ZNF480: variants seen among roughly 807,000 people sequenced by gnomAD.
ZNF480 encodes zinc finger protein 480.
In ZNF480, 15 loss-of-function variants were observed where a neutral mutation model predicts 14.4. That is an observed-to-expected ratio of 1.04 (90% confidence interval 0.70 to 1.60). The LOEUF (loss-of-function observed/expected upper bound fraction) is 1.60. Ranked by LOEUF, ZNF480 falls within the 40% of genes most tolerant of loss-of-function variation. ZNF480 has a pLI of 0.00. For synonymous variants in ZNF480, 218 were observed against 215.5 expected (o/e 1.01, Z -0.10); for missense variants, 593 against 629.7 (o/e 0.94, Z 0.62).
Position 52,314,158 on chromosome 19 carries a change from C to T in ZNF480, c.78C>T (p.His26=). The T allele has an allele frequency of 6.4e-7, 1 of 1,566,568 alleles. No individual in the cohort carries two copies. The highest frequency in any genetic ancestry group is 1.1e-5 in the South Asian group (1 of 90,648). The change falls in exon 3 of 5, where the codon CAC becomes CAT. Residue 26 remains histidine, a synonymous_variant. Transcript: ENST00000595962. ...AAATGTGGTTTTCATTTTAGGGACA[C>T]TTAACATTCAGGGACGTGGCCATAG... The part of the protein sequence containing the change: ...KESGMALPQG[H]LTFRDVAIEF...
chr19:52,300,321 T>C, intron 1 of ZNF480, 73 bp from the exon 2 acceptor site: 1 of 1,515,740 alleles, frequency 6.6e-7, no homozygotes, highest in Non-Finnish European at 9.1e-7. Context: ...AGGTCTAACC[T>C]GTGTGTGTGA....
chr19:52,311,457 T>C (rs971310896), intron 2 of ZNF480, among the ~76,000 whole-genome samples: 1 of 152,096 alleles, frequency 6.6e-6, no homozygotes, highest in African/African-American at 2.4e-5. Context: ...GGATTACAGG[T>C]GGAGCCACCA....
chr19:52,312,610 C>G (rs1600217747), intron 2 of ZNF480, among the ~76,000 whole-genome samples: 1 of 152,144 alleles, frequency 6.6e-6, no homozygotes, highest in African/African-American at 2.4e-5. Context: ...GGATCTGGTG[C>G]TTACTTTGCT....
chr19:52,299,097 A>G (rs951506539), intron 1 of ZNF480, among the ~76,000 whole-genome samples: 1 of 152,162 alleles, frequency 6.6e-6, no homozygotes, highest in Non-Finnish European at 1.5e-5. Flanking sequence ...TTTAGCTTCC[A>G]CTCACATTCC....
chr19:52,315,482 A>AT (rs34428893), intron 3 of ZNF480, among the ~76,000 whole-genome samples: 69 of 147,924 alleles, frequency 4.7e-4, no homozygotes, highest in African/African-American at 1.1e-3. Context: ...TGCTTGGCTA[A>AT]TTTTTTTTTT....
intron 2 of ZNF480, among the ~76,000 whole-genome samples, chr19:52,311,931 A>G (rs1339131789): frequency 6.6e-6 from 1 of 152,194 alleles, no homozygotes; most frequent in South Asian, 2.1e-4. Context: ...CTAAGTGTAC[A>G]TATATATAAG....
chr19:52,313,537 G>A (rs1983395796), intron 2 of ZNF480, among the ~76,000 whole-genome samples: 1 of 151,968 alleles, frequency 6.6e-6, no homozygotes, highest in African/African-American at 2.4e-5. Context: ...ATTCAGATCA[G>A]GTAGATACTG....
Position 52,315,815 on chromosome 19 carries a change from T to TG in ZNF480, c.200-19_200-18insG, listed in dbSNP as rs1491034859. 2 of 1,004,416 alleles carry TG rather than the reference T, an allele frequency of 2.0e-6. No individual in the cohort carries two copies. The highest frequency in any genetic ancestry group is 5.6e-5 in the Admixed American group (2 of 35,964). 62.2% of individuals were successfully genotyped at this position (1,004,416 alleles called of 1,614,324 possible). A position where few individuals can be genotyped will look rare whatever the true frequency, so the allele number is the denominator to read the frequency against. ...TTGGAGATGCTACAGCACATTTTGATTTTTTTTTTTACAAACAGGAATCTC... is the reference window on the plus strand; with the variant it reads ...TTGGAGATGCTACAGCACATTTTGATGTTTTTTTTTTACAAACAGGAATCTC... On this transcript the variant is annotated intron_variant, in intron 3 of 4. Coordinates refer to ENST00000595962, the MANE Select transcript of ZNF480 (RefSeq NM_144684.4).
chr19:52,321,654 A>G lies in ZNF480; in HGVS notation c.404A>G (p.His135Arg), dbSNP rs1983816329. Reference protein sequence around the residue: ...KKQLGVSFHLHLSELELFPDE... With the variant: ...KKQLGVSFHLRLSELELFPDE... Reference sequence around the variant, plus strand: ...CAACTTGGAGTATCCTTTCACTTACATCTGTCTGAACTGGAGCTATTTCCA... The same window carrying G: ...CAACTTGGAGTATCCTTTCACTTACGTCTGTCTGAACTGGAGCTATTTCCA... The change falls in exon 5 of 5, where the codon CAT becomes CGT. Residue 135 changes from histidine (H) to arginine (R), a missense_variant. By Grantham distance (29) the His-to-Arg change is conservative. Coordinates refer to ENST00000595962, the MANE Select transcript of ZNF480 (RefSeq NM_144684.4). 2.5e-6 allele frequency: 4 copies of G among 1,613,544 alleles called. No individual in the cohort carries two copies. The highest frequency in any genetic ancestry group is 3.4e-6 in the Non-Finnish European group (4 of 1,179,746).
At chr19:52,312,873 T>G (rs1437975784) in intron 2 of ZNF480, among the ~76,000 whole-genome samples, 1 of 152,146 alleles carries the variant, frequency 6.6e-6, no homozygotes, top group Admixed American at 6.5e-5. Flanking sequence ...CAGGCTGTAG[T>G]GCAGTGGTGT....
rs752393007 is a variant in ZNF480, at chr19:52,324,517, T to C, written c.*1659T>C. On this transcript the variant is annotated 3_prime_UTR_variant, in exon 5 of 5. Coordinates refer to ENST00000595962, the MANE Select transcript of ZNF480 (RefSeq NM_144684.4). ...AGCAAAAAGAGCAATGTTTGAGGTA[T>C]CACACTACCCAACTTTAAACCATAC... 1 of 152,140 alleles carries C rather than the reference T, an allele frequency of 6.6e-6. No homozygotes were observed. The highest frequency in any genetic ancestry group is 1.5e-5 in the Non-Finnish European group (1 of 68,034). The allele number at this position is 152,140 out of a possible 1,614,324, so 9.4% of individuals were successfully genotyped here.
intron 2 of ZNF480, among the ~76,000 whole-genome samples, chr19:52,303,408 G>C (rs974943409): frequency 6.6e-6 from 1 of 152,212 alleles, no homozygotes; most frequent in Non-Finnish European, 1.5e-5. Context: ...TGTTGTATTT[G>C]TGCCTTTGTA....
chr19:52,314,350 C>G (rs1237657994), intron 3 of ZNF480, 71 bp downstream of exon 3: 1 of 1,373,844 alleles, frequency 7.3e-7, no homozygotes. Context: ...TGTGTGCCTC[C>G]TGGGAGCCCC....
chr19:52,308,296 AT>A (rs992026430), intron 2 of ZNF480, among the ~76,000 whole-genome samples: 3 of 127,434 alleles, frequency 2.4e-5, no homozygotes, highest in African/African-American at 6.2e-5. Flanking sequence ...TTTCTGCTTG[AT>A]TTTTTTCTTC....
rs757865337 is a variant in ZNF480, at chr19:52,314,199, A to G, written c.119A>G (p.Glu40Gly). Reference sequence around the variant, plus strand: ...GTGGCCATAGAATTCTCTCAGGCGGAGTGGAAATGCCTGGACCCTGCACAG... The same window carrying G: ...GTGGCCATAGAATTCTCTCAGGCGGGGTGGAAATGCCTGGACCCTGCACAG... ...RDVAIEFSQA[E>G]WKCLDPAQRA... The change falls in exon 3 of 5, where the codon GAG becomes GGG. Residue 40 changes from glutamate (E) to glycine (G), a missense_variant. Coordinates refer to ENST00000595962, the MANE Select transcript of ZNF480 (RefSeq NM_144684.4). The G allele has an allele frequency of 5.1e-6, 8 of 1,584,130 alleles. No individual in the cohort carries two copies. Among genetic ancestry groups the G allele is most frequent in the Non-Finnish European group, 6.9e-6 (8 of 1,161,094 alleles).
At chr19:52,310,248 G>T (rs558559285) in intron 2 of ZNF480, among the ~76,000 whole-genome samples, 1 of 151,828 alleles carries the variant, frequency 6.6e-6, no homozygotes, top group South Asian at 2.1e-4. Context: ...GTAGAGATGG[G>T]GTTTCACCAT....
chr19:52,314,494 A>AAC (rs1983457298), intron 3 of ZNF480, among the ~76,000 whole-genome samples: 1 of 150,894 alleles, frequency 6.6e-6, no homozygotes, highest in African/African-American at 2.4e-5. Context: ...AAAAAAAAAA[A>AAC]AAAACCAAAA....
At chr19:52,314,358 C>A in intron 3 of ZNF480, 79 bp downstream of exon 3, 1 of 1,348,618 alleles carries the variant, frequency 7.4e-7, no homozygotes, top group Non-Finnish European at 9.7e-7. Context: ...TCCTGGGAGC[C>A]CCTGCATTGT....
chr19:52,320,437 G>A (rs1190820408), intron 4 of ZNF480, among the ~76,000 whole-genome samples: 2 of 152,146 alleles, frequency 1.3e-5, no homozygotes, highest in Non-Finnish European at 2.9e-5. Flanking sequence ...AGGATCACTT[G>A]AGCCAAGGAG....
Sources: allele counts gnomAD v4.1 joint callset (sites outside exome capture counted in the v4.1 genomes callset), GRCh38; gene constraint gnomAD v4.1.1; transcripts MANE v1.5; gene names NCBI Gene and HGNC (gene_info 2026-07-23, HGNC 2026-07-21).